The following PCDH15 variants were observed in gnomAD, a reference collection of about 807,000 sequenced individuals.
PCDH15 encodes the protein protocadherin-15.
A neutral mutation model predicts 178.5 loss-of-function variants in PCDH15; 129 were observed. That is an observed-to-expected ratio of 0.72 (90% CI 0.63 to 0.84). The LOEUF is 0.84. PCDH15 is among the 40% of genes least tolerant of loss of function. The pLI is 0.00. For missense variants in PCDH15, 2,230 were observed against 2,099.9 expected (o/e 1.06, Z -1.21); for synonymous variants, 800 against 732.0 (o/e 1.09, Z -1.50).
chr10:54,263,063 T>C (rs2057438472), intron 8 of PCDH15, among the ~76,000 whole-genome samples: 1 of 149,876 alleles, frequency 6.7e-6, no homozygotes, highest in Non-Finnish European at 1.5e-5. Flanking sequence ...TTTCTTTGTC[T>C]CTACACTTGA....
At chr10:53,966,241 C>A (rs1442568683) in intron 21 of PCDH15, among the ~76,000 whole-genome samples, 1 of 152,118 alleles carries the variant, frequency 6.6e-6, no homozygotes, top group African/African-American at 2.4e-5. Context: ...ATTTAGCCTG[C>A]AAGAAACATT....
At chr10:54,113,123 G>T (rs1272266092) in intron 15 of PCDH15, among the ~76,000 whole-genome samples, 2 of 152,108 alleles carry the variant, frequency 1.3e-5, no homozygotes, top group Admixed American at 1.3e-4. Flanking sequence ...GAATTTCCGG[G>T]AAGTTTGGTC....
intron 2 of PCDH15, among the ~76,000 whole-genome samples, chr10:55,450,280 G>A (rs1043499639): frequency 1.3e-5 from 2 of 152,110 alleles, no homozygotes; most frequent in African/African-American, 4.8e-5. Context: ...CATGAGAAAA[G>A]TTTATCAAGG....
intron 3 of PCDH15, among the ~76,000 whole-genome samples, chr10:54,889,834 A>T (rs2131814724): frequency 6.6e-6 from 1 of 151,948 alleles, no homozygotes; most frequent in African/African-American, 2.4e-5. Context: ...TATTGTGCGA[A>T]TAACCCTAAA....
intron 2 of PCDH15, among the ~76,000 whole-genome samples, chr10:55,602,052 G>A (rs949988017): frequency 3.2e-4 from 48 of 152,126 alleles, no homozygotes; most frequent in Admixed American, 6.5e-5. Flanking sequence ...AGCCAAAGCA[G>A]GGCGAGGCGT....
In PCDH15 at chr10:55,312,264, G is replaced by C. The variant is rs142261422; in HGVS notation, c.-156+7335C>G. Among the ~76,000 whole-genome samples, 586 of 152,178 alleles carry C rather than the reference G, an allele frequency of 3.9e-3. 4 individuals are homozygous for C. The highest frequency in any genetic ancestry group is 5.9e-3 in the Non-Finnish European group (403 of 68,010). On this transcript the variant is annotated intron_variant, in intron 1 of 5. Coordinates refer to the PCDH15 transcript ENST00000458638. ...AACTCATGCATCCTAGAGGTTTTCT[G>C]TTGTAAGGTAAAAAATGCTATATGA...
chr10:54,609,215 G>T (rs965187922), intron 2 of PCDH15, among the ~76,000 whole-genome samples: 2 of 151,832 alleles, frequency 1.3e-5, no homozygotes, highest in Non-Finnish European at 2.9e-5. Context: ...CTGACCTGAA[G>T]GCAGATATTC....
At chr10:55,385,353 T>C (rs1420574865) in intron 2 of PCDH15, among the ~76,000 whole-genome samples, 1 of 152,066 alleles carries the variant, frequency 6.6e-6, no homozygotes, top group Non-Finnish European at 1.5e-5. Flanking sequence ...TCCTCTCTTT[T>C]AGTTCAGCCA....
rs186544192 is a variant in PCDH15, at chr10:54,889,163, T to C, written c.-29+8287A>G. ...TATTTTTACTATTTAGTACAGTTAA[T>C]TGGTAGCAAAGTAAAACTGCAGAAT... On this transcript the variant is annotated intron_variant, in intron 3 of 5. Coordinates refer to the PCDH15 transcript ENST00000458638. Among the ~76,000 whole-genome samples the C allele has an allele frequency of 2.6e-5, 4 of 151,990 alleles. No homozygotes were observed. In the East Asian group the frequency reaches 5.8e-4, roughly 22 times the overall value.
At chr10:54,280,714 T>G (rs1316758267) in intron 8 of PCDH15, among the ~76,000 whole-genome samples, 1 of 151,762 alleles carries the variant, frequency 6.6e-6, no homozygotes, top group Non-Finnish European at 1.5e-5. Context: ...CTTATCTCCC[T>G]CAAGTGGACA....
chr10:55,444,637 G>T (rs1460849287), intron 2 of PCDH15, among the ~76,000 whole-genome samples: 1 of 152,222 alleles, frequency 6.6e-6, no homozygotes. Context: ...AATTGCCAAA[G>T]TTTATTAGAA....
intron 2 of PCDH15, among the ~76,000 whole-genome samples, chr10:55,424,313 G>T (rs935062419): frequency 6.6e-6 from 1 of 152,070 alleles, no homozygotes; most frequent in African/African-American, 2.4e-5. Flanking sequence ...ATGTCAGGGG[G>T]TATCATGAGA....
At chr10:54,162,764 A>C (rs1027683580) in intron 13 of PCDH15, among the ~76,000 whole-genome samples, 1 of 152,120 alleles carries the variant, frequency 6.6e-6, no homozygotes, top group African/African-American at 2.4e-5. Flanking sequence ...TTCGTTGGTT[A>C]TATTTATCCT....
At chr10:53,867,681 G>A (rs944450017) in intron 26 of PCDH15, among the ~76,000 whole-genome samples, 1 of 151,992 alleles carries the variant, frequency 6.6e-6, no homozygotes. Context: ...TGCTGTAATA[G>A]GCATACAGTG....
chr10:55,044,021 T>C (rs1840935649), intron 2 of PCDH15, among the ~76,000 whole-genome samples: 1 of 152,166 alleles, frequency 6.6e-6, no homozygotes, highest in Non-Finnish European at 1.5e-5. Context: ...AAATTGCTTG[T>C]GGACAGCCAC....
rs536045219 is a variant in PCDH15 at position 55,081,715 on chromosome 10, C to T, written c.-80+84861G>A. ...GGTTCTTCCCCACAAACCTAATATG[C>T]TTGAGCCTTGATCTCAGACTTCCTG... is the stretch of plus-strand genomic sequence containing the variant. On this transcript the variant is annotated intron_variant, in intron 2 of 5. Transcript: ENST00000458638. 4.6e-5 allele frequency among the ~76,000 whole-genome samples: 7 copies of T among 152,288 alleles called. No homozygotes were observed. In the East Asian group the frequency reaches 1.4e-3, roughly 29 times the overall value.
intron 18 of PCDH15, among the ~76,000 whole-genome samples, chr10:54,039,984 G>A (rs2093504774): frequency 6.6e-6 from 1 of 151,834 alleles, no homozygotes; most frequent in South Asian, 2.1e-4. Context: ...CAGTGGGTGG[G>A]GGAAGAAAAG....
At chr10:55,523,347 C>A (rs1841228271) in intron 2 of PCDH15, among the ~76,000 whole-genome samples, 1 of 150,876 alleles carries the variant, frequency 6.6e-6, no homozygotes, top group South Asian at 2.1e-4. Context: ...TTTTTAAAGT[C>A]TTTAAATTAA....
chr10:55,473,211 T>C (rs1394395242), intron 2 of PCDH15, among the ~76,000 whole-genome samples: 1 of 152,192 alleles, frequency 6.6e-6, no homozygotes, highest in Non-Finnish European at 1.5e-5. Context: ...TTGCAATGCA[T>C]TGTTTTCTGA....
Sources: allele counts gnomAD v4.1 joint callset (sites outside exome capture counted in the v4.1 genomes callset), GRCh38; gene constraint gnomAD v4.1.1; transcripts MANE v1.5; gene names NCBI Gene and HGNC (gene_info 2026-07-23, HGNC 2026-07-21).